The following GLOD4 variants were observed in gnomAD, a reference collection of about 807,000 sequenced individuals.
GLOD4 encodes glyoxalase domain-containing protein 4.
GLOD4 carries 44 observed loss-of-function variants against 39.1 expected under a neutral mutation model. That is an observed-to-expected ratio of 1.13 (90% CI 0.88 to 1.45). The LOEUF (loss-of-function observed/expected upper bound fraction) is 1.45. Ranked by LOEUF, GLOD4 falls within the 40% of genes most tolerant of loss-of-function variation. GLOD4 has a pLI of 0.00. For missense variants in GLOD4, 405 were observed against 366.4 expected (o/e 1.11, Z -0.86); for synonymous variants, 145 against 135.0 (o/e 1.07, Z -0.52).
In GLOD4 at chr17:768,130, C is replaced by T. The variant is rs568289799; in HGVS notation, c.831+1739G>A. Among the ~76,000 whole-genome samples, 9 of 145,932 alleles carry T rather than the reference C, an allele frequency of 6.2e-5. No homozygotes were observed. The South Asian group carries it at 1.7e-3, about 28-fold the overall frequency. On this transcript the variant is annotated intron_variant, in intron 8 of 8. Transcript: ENST00000301329. Reference sequence around the variant, plus strand: ...GGATGTGTGAGAGAGAAACAGCGTGCACTCAGATTTTTAGAAGAAATCTGG... The same window carrying T: ...GGATGTGTGAGAGAGAAACAGCGTGTACTCAGATTTTTAGAAGAAATCTGG...
At chr17:778,419 G>A in intron 2 of GLOD4, 1 of 535,862 alleles carries the variant, frequency 1.9e-6, no homozygotes, top group Non-Finnish European at 3.3e-6. Context: ...GAATCCCTTT[G>A]TGTCCCACAG....
intron 4 of GLOD4, among the ~76,000 whole-genome samples, chr17:773,804 C>T (rs1908417041): frequency 6.6e-6 from 1 of 152,134 alleles, no homozygotes; most frequent in South Asian, 2.1e-4. Context: ...CCATTTACTT[C>T]AAAATCAACA....
intron 8 of GLOD4, among the ~76,000 whole-genome samples, chr17:763,000 C>A (rs1905784125): frequency 6.6e-6 from 1 of 151,702 alleles, no homozygotes; most frequent in Non-Finnish European, 1.5e-5. Context: ...CACGGTGAAA[C>A]CCCGTCTCTA....
rs1373612863 is a variant in GLOD4, at chr17:775,659, T to G, written c.406+116A>C. On this transcript the variant is annotated intron_variant, in intron 4 of 8. Transcript: ENST00000301329. ...TCCGATAACAGGTAAAAGCACTGGCTGGGGAAGACACGTCACGTGAACACA... is the reference window on the plus strand; with the variant it reads ...TCCGATAACAGGTAAAAGCACTGGCGGGGGAAGACACGTCACGTGAACACA... 3.7e-6 allele frequency: 3 copies of G among 800,152 alleles called. No homozygotes were observed. The African/African-American group carries it at 5.2e-5, about 14-fold the overall frequency. The allele number at this position is 800,152 out of a possible 1,614,324, so 49.6% of individuals were successfully genotyped here.
chr17:784,964 T>G (rs1039515221), upstream of GLOD4, among the ~76,000 whole-genome samples: 1 of 152,210 alleles, frequency 6.6e-6, no homozygotes. Context: ...GAATCCTAAA[T>G]CTTTGATTGT....
chr17:770,217 C>T (rs763191316), intron 6 of GLOD4, 60 bp from the exon 7 acceptor site: 29 of 912,454 alleles, frequency 3.2e-5, no homozygotes, highest in Non-Finnish European at 4.3e-5. Flanking sequence ...ACACGGCCCT[C>T]GTCAGTCCTA....
chr17:781,960 A>T lies in GLOD4; in HGVS notation c.90+206T>A, dbSNP rs1009037961. ...GGACGTGCGTGGGCACACCGCGGGG[A>T]CTAATCGTGTTAGGCCCTTCTCCAA... is the stretch of plus-strand genomic sequence containing the variant. On this transcript the variant is annotated intron_variant, in intron 1 of 8. Transcript: ENST00000301329. 9.0e-6 allele frequency: 5 copies of T among 558,318 alleles called. No individual in the cohort carries two copies. In the African/African-American group the frequency reaches 9.5e-5, roughly 11 times the overall value. 34.6% of individuals were successfully genotyped at this position (558,318 alleles called of 1,614,324 possible).
At chr17:774,605 G>A (rs561673718) in intron 4 of GLOD4, among the ~76,000 whole-genome samples, 40 of 152,270 alleles carry the variant, frequency 2.6e-4, no homozygotes, top group African/African-American at 7.7e-4. Flanking sequence ...GAGTACCCAC[G>A]CTCAAGTCTG....
In GLOD4 at chr17:770,446, A is replaced by G; in HGVS notation, c.605T>C (p.Ile202Thr). 1 of 1,586,014 alleles carries G rather than the reference A, an allele frequency of 6.3e-7. No individual in the cohort carries two copies. The highest frequency in any genetic ancestry group is 8.7e-7 in the Non-Finnish European group (1 of 1,154,280). Residue 202 changes from isoleucine (I) to threonine (T), a missense_variant, in exon 6 of 9, where the codon ATT becomes ACT. Coordinates refer to ENST00000301329, the MANE Select transcript of GLOD4 (RefSeq NM_016080.4). ...GVDHAAAFGR[I>T]AFSCPQKELP... ...CTCTTTCTGGGGGCAAGAGAAGGCA[A>G]TTCTTCCAAAAGCTGCTGCATGGTC...
chr17:769,909 A>C lies in GLOD4; in HGVS notation c.791T>G (p.Leu264Arg), dbSNP rs769479560. 11 of 1,611,234 alleles carry C rather than the reference A, an allele frequency of 6.8e-6. No homozygotes were observed. In the Admixed American group the frequency reaches 1.5e-4, roughly 22 times the overall value. Reference protein sequence around the residue: ...CFVGDEAFRELSKMDPEGSKL... With the variant: ...CFVGDEAFRERSKMDPEGSKL... Reference sequence around the variant, plus strand: ...GCTTCCCTCTGGATCCATCTTAGAAAGTTCTCGAAATGCTTCATCCCCGAC... The same window carrying C: ...GCTTCCCTCTGGATCCATCTTAGAACGTTCTCGAAATGCTTCATCCCCGAC... Residue 264 changes from leucine to arginine, a missense_variant, in exon 8 of 9, where the codon CTT becomes CGT. Transcript: ENST00000301329.
chr17:782,788 C>T (rs1321961421), upstream of GLOD4: 10 of 1,312,050 alleles, frequency 7.6e-6, no homozygotes, highest in African/African-American at 1.0e-4. Context: ...TCTTCCAGTA[C>T]AGCCCGCTGG....
chr17:769,907 A>T lies in GLOD4; in HGVS notation c.793T>A (p.Ser265Thr), dbSNP rs960455532. The T allele has an allele frequency of 1.2e-6, 2 of 1,610,926 alleles. No homozygotes were observed. The highest frequency in any genetic ancestry group is 1.7e-6 in the Non-Finnish European group (2 of 1,177,072). ...TTGCTTCCCTCTGGATCCATCTTAGAAAGTTCTCGAAATGCTTCATCCCCG... is the reference window on the plus strand; with the variant it reads ...TTGCTTCCCTCTGGATCCATCTTAGTAAGTTCTCGAAATGCTTCATCCCCG... ...FVGDEAFREL[S>T]KMDPEGSKLL... The change falls in exon 8 of 9, where the codon TCT (serine) becomes ACT (threonine). Residue 265 changes from serine (S) to threonine (T), a missense_variant. Coordinates refer to ENST00000301329, the MANE Select transcript of GLOD4 (RefSeq NM_016080.4).
upstream of GLOD4, chr17:782,814 C>A: frequency 9.3e-7 from 1 of 1,071,956 alleles, no homozygotes; most frequent in South Asian, 1.7e-5. Context: ...GTATTATGCA[C>A]AGAGGGCCGA....
chr17:782,992 C>G, upstream of GLOD4: 2 of 1,499,406 alleles, frequency 1.3e-6, no homozygotes, highest in East Asian at 2.3e-5. Flanking sequence ...CCGGCCCTCT[C>G]CGTAGCTCTT....
At chr17:767,202 T>C (rs1213948512) in intron 8 of GLOD4, among the ~76,000 whole-genome samples, 1 of 152,242 alleles carries the variant, frequency 6.6e-6, no homozygotes, top group African/African-American at 2.4e-5. Context: ...GTCACAGAGT[T>C]ACGTGACAGA....
chr17:780,741 CA>C (rs71371577), intron 1 of GLOD4: 2,868 of 59,708 alleles, frequency 0.048, 30 homozygotes, highest in African/African-American at 0.095. Flanking sequence ...GACTCCACCT[CA>C]AAAAAAAAAA....
At chr17:778,914 C>T (rs1161262273) in intron 1 of GLOD4, 170 bp from the exon 2 acceptor site, 10 of 586,276 alleles carry the variant, frequency 1.7e-5, no homozygotes, top group South Asian at 2.2e-5. Flanking sequence ...AGTGGAAGGA[C>T]GAACAGCTTG....
At chr17:779,169 G>C (rs1909433376) in intron 1 of GLOD4, among the ~76,000 whole-genome samples, 1 of 151,874 alleles carries the variant, frequency 6.6e-6, no homozygotes, top group Non-Finnish European at 1.5e-5. Context: ...ACAAAAATTA[G>C]CCAGGCGTGG....
intron 1 of GLOD4, among the ~76,000 whole-genome samples, chr17:780,157 C>T (rs1021242728): frequency 3.3e-5 from 5 of 152,050 alleles, no homozygotes; most frequent in Non-Finnish European, 7.4e-5. Context: ...GAGCGAGACT[C>T]CGTCTCAACA....
Sources: gnomAD v4.1 joint callset for allele counts (sites outside exome capture counted in the v4.1 genomes callset) on GRCh38, gnomAD v4.1.1 for gene constraint, MANE v1.5 for transcripts, NCBI Gene and HGNC (gene_info 2026-07-23, HGNC 2026-07-21) for gene names.